The following RBMS3 variants were observed in gnomAD, a reference collection of about 807,000 sequenced individuals.
RBMS3 encodes RNA-binding motif, single-stranded-interacting protein 3.
In RBMS3, 27 loss-of-function variants were observed where a neutral mutation model predicts 66.8. That is an observed-to-expected ratio of 0.40 (90% CI 0.30 to 0.56). RBMS3 has a LOEUF of 0.56. Among genes scored for constraint, RBMS3 ranks in the 20% least tolerant of loss-of-function variants. The probability of loss-of-function intolerance (pLI) is 0.40; values close to 1 mark genes in which losing one functional copy is unlikely to be tolerated. For missense variants in RBMS3, 513 were observed against 549.5 expected, an observed-to-expected ratio of 0.93 and a Z score of 0.66; for synonymous variants, 188 against 183.0, an observed-to-expected ratio of 1.03 and a Z score of -0.22.
intron 3 of RBMS3, among the ~76,000 whole-genome samples, chr3:29,548,940 A>T (rs1320125543): frequency 2.6e-5 from 4 of 152,154 alleles, no homozygotes; most frequent in Non-Finnish European, 5.9e-5. Context: ...GTAAAACAGA[A>T]TGCAAATTAT....
At chr3:29,548,058 C>T (rs2046033521) in intron 3 of RBMS3, among the ~76,000 whole-genome samples, 1 of 151,896 alleles carries the variant, frequency 6.6e-6, no homozygotes, top group Non-Finnish European at 1.5e-5. Flanking sequence ...GCCTCCCAAA[C>T]TGCAATGAGG....
intron 2 of RBMS3, among the ~76,000 whole-genome samples, chr3:29,483,141 T>TAA (rs397772507): frequency 3.3e-5 from 5 of 149,424 alleles, no homozygotes; most frequent in Non-Finnish European, 4.4e-5. Flanking sequence ...CTGTCTCTAC[T>TAA]AAAAAAAATA....
chr3:29,685,213 C>T (rs576777449), intron 4 of RBMS3, among the ~76,000 whole-genome samples: 2 of 152,020 alleles, frequency 1.3e-5, no homozygotes, highest in East Asian at 1.9e-4. Flanking sequence ...CGCCCGCCAC[C>T]ACGCCCAGCT....
intron 3 of RBMS3, among the ~76,000 whole-genome samples, chr3:29,522,617 A>G (rs1341715019): frequency 6.6e-6 from 1 of 152,152 alleles, no homozygotes; most frequent in African/African-American, 2.4e-5. Flanking sequence ...GAGCCATCTA[A>G]TGAAAGCTAG....
intron 4 of RBMS3, among the ~76,000 whole-genome samples, chr3:29,604,940 T>G (rs1221988796): frequency 6.6e-6 from 1 of 151,874 alleles, no homozygotes; most frequent in African/African-American, 2.4e-5. Context: ...AGATATCTTT[T>G]GGCATATTGG....
chr3:29,486,534 AT>A (rs558281275), intron 2 of RBMS3, among the ~76,000 whole-genome samples: 11 of 152,274 alleles, frequency 7.2e-5, no homozygotes, highest in Admixed American at 1.3e-4. Context: ...TATTGTAATA[AT>A]TTCTGAGAAA....
At chr3:29,499,101 A>T (rs562772335) in intron 3 of RBMS3, among the ~76,000 whole-genome samples, 2 of 152,074 alleles carry the variant, frequency 1.3e-5, no homozygotes, top group African/African-American at 2.4e-5. Context: ...TGGGAAAAAA[A>T]TTTTCTTTGT....
At chr3:29,898,736 CGTGTGTGT>C (rs3072651) in intron 9 of RBMS3, among the ~76,000 whole-genome samples, 99 of 142,616 alleles carry the variant, frequency 6.9e-4, no homozygotes, top group African/African-American at 2.3e-3. Context: ...TTGTAATGTG[CGTGTGTGT>C]GTGTGTGTGT....
intron 3 of RBMS3, among the ~76,000 whole-genome samples, chr3:29,558,587 G>A (rs1043998346): frequency 1.3e-5 from 2 of 152,074 alleles, no homozygotes; most frequent in Admixed American, 1.3e-4. Context: ...TCATTCATTC[G>A]ACAAATAAGC....
intron 14 of RBMS3, among the ~76,000 whole-genome samples, chr3:29,999,099 A>G (rs2125397010): frequency 6.6e-6 from 1 of 152,028 alleles, no homozygotes; most frequent in East Asian, 1.9e-4. Context: ...AAAAGTGGGC[A>G]AAGAATATGA....
At chr3:29,584,484 T>C (rs2047439576) in intron 3 of RBMS3, among the ~76,000 whole-genome samples, 1 of 152,158 alleles carries the variant, frequency 6.6e-6, no homozygotes, top group Non-Finnish European at 1.5e-5. Flanking sequence ...ACCAAACTAA[T>C]ATATCCAGCT....
At chr3:29,291,043 T>C (rs748216802) in intron 1 of RBMS3, among the ~76,000 whole-genome samples, 2 of 151,922 alleles carry the variant, frequency 1.3e-5, no homozygotes, top group African/African-American at 4.8e-5. Flanking sequence ...TCTTGCGAAG[T>C]GAAAAAAACC....
intron 4 of RBMS3, among the ~76,000 whole-genome samples, chr3:29,671,918 A>G (rs1354127554): frequency 6.6e-6 from 1 of 152,212 alleles, no homozygotes; most frequent in African/African-American, 2.4e-5. Flanking sequence ...ATTCAAATTA[A>G]GGAAATACAT....
At chr3:29,526,164 T>C (rs2045087201) in intron 3 of RBMS3, 1 of 152,112 alleles carries the variant, frequency 6.6e-6, no homozygotes, top group Admixed American at 6.5e-5. Flanking sequence ...CTCCAGCCCA[T>C]AAGTGCTGAT....
intron 12 of RBMS3, among the ~76,000 whole-genome samples, chr3:29,944,607 CA>C (rs2149705101): frequency 6.6e-6 from 1 of 151,674 alleles, no homozygotes; most frequent in East Asian, 2.0e-4. Flanking sequence ...TTATGTATAG[CA>C]AAAGACGGCA....
chr3:29,541,141 T>G (rs115046564), intron 3 of RBMS3, among the ~76,000 whole-genome samples: 5,585 of 152,216 alleles, frequency 0.037, 158 homozygotes, highest in Non-Finnish European at 0.054. Context: ...TTTATACTAT[T>G]AAGCACTAAA....
chr3:29,761,569 C>T (rs868781413), intron 5 of RBMS3, among the ~76,000 whole-genome samples: 14 of 152,236 alleles, frequency 9.2e-5, no homozygotes, highest in Middle Eastern at 3.4e-3. Context: ...GCATTTCTCT[C>T]ACTTCTGGGA....
chr3:29,941,924 T>C (rs2061402473), intron 11 of RBMS3, among the ~76,000 whole-genome samples: 1 of 151,790 alleles, frequency 6.6e-6, no homozygotes, highest in Admixed American at 6.6e-5. Context: ...TGCTTGATGA[T>C]AGGAATCTAA....
chr3:29,834,610 A>G lies in RBMS3; in HGVS notation c.638-34248A>G, dbSNP rs549538460. Among the ~76,000 whole-genome samples the G allele has an allele frequency of 5.3e-5, 8 of 152,188 alleles. No individual in the cohort carries two copies. In the South Asian group the frequency reaches 1.7e-3, roughly 31 times the overall value. ...GTACTATGTAAGCCTAAAGGTAATC[A>G]TGAAGCAAACTCTTATAGTAGATAC... On this transcript the variant is annotated intron_variant, in intron 6 of 14. Transcript: ENST00000383767.
Sources: gnomAD v4.1 joint callset for allele counts (sites outside exome capture counted in the v4.1 genomes callset) on GRCh38, gnomAD v4.1.1 for gene constraint, MANE v1.5 for transcripts, NCBI Gene and HGNC (gene_info 2026-07-23, HGNC 2026-07-21) for gene names.